Variants in PHLDB2 observed in about 807,000 individuals in gnomAD.
PHLDB2 encodes pleckstrin homology like domain family B member 2.
Under a neutral mutation model 123.6 loss-of-function variants are expected in PHLDB2, and 71 were observed. The observed-to-expected ratio is 0.57, with a 90% CI of 0.47 to 0.70. PHLDB2 has a LOEUF of 0.70. Ranked by LOEUF, PHLDB2 falls within the 30% of genes least tolerant of loss-of-function variation. The pLI, the probability that PHLDB2 is intolerant of heterozygous loss-of-function variation, is 0.00. For synonymous variants in PHLDB2, 547 were observed against 541.6 expected (o/e 1.01, Z -0.14); for missense variants, 1,446 against 1,519.5 (o/e 0.95, Z 0.80).
At chr3:111,771,788 A>G (rs2060183672) in intron 1 of PHLDB2, among the ~76,000 whole-genome samples, 1 of 152,188 alleles carries the variant, frequency 6.6e-6, no homozygotes, top group South Asian at 2.1e-4. Context: ...CTGTTCCCAA[A>G]AAAGATCACA....
Position 111,974,709 on chromosome 3 carries a change from A to G in PHLDB2, c.*146A>G, listed in dbSNP as rs747506318. ...AACTCCTTTCATATCAAGACAAGTTATTTGTAAAAAATAAAGAAGGGGTTT... is the reference window on the plus strand; with the variant it reads ...AACTCCTTTCATATCAAGACAAGTTGTTTGTAAAAAATAAAGAAGGGGTTT... On this transcript the variant is annotated 3_prime_UTR_variant, in exon 18 of 18. Coordinates refer to ENST00000431670, the MANE Select transcript of PHLDB2 (RefSeq NM_001134438.2). 5 of 767,486 alleles carry G rather than the reference A, an allele frequency of 6.5e-6. No homozygotes were observed. Among genetic ancestry groups the G allele is most frequent in the Non-Finnish European group, 7.4e-6 (4 of 540,222 alleles). 47.5% of individuals were successfully genotyped at this position (767,486 alleles called of 1,614,324 possible).
chr3:111,898,612 A>G lies in PHLDB2; in HGVS notation c.1335+13200A>G, dbSNP rs150576475. 2.8e-3 allele frequency among the ~76,000 whole-genome samples: 425 copies of G among 152,290 alleles called. 3 individuals carry two copies. The highest frequency in any genetic ancestry group is 0.01 in the African/African-American group (418 of 41,572). On this transcript the variant is annotated intron_variant, in intron 2 of 17. Transcript: ENST00000431670. ...TACCCACAGTAGAACTTTTTTCAGA[A>G]TTGGAATCAGTCCTCTCAGTCCCTG... is the stretch of plus-strand genomic sequence containing the variant.
intron 1 of PHLDB2, among the ~76,000 whole-genome samples, chr3:111,868,939 A>G (rs1343341180): frequency 6.6e-6 from 1 of 152,204 alleles, no homozygotes; most frequent in African/African-American, 2.4e-5. Context: ...AGTCTTACTC[A>G]AGGGACTAGC....
intron 2 of PHLDB2, among the ~76,000 whole-genome samples, chr3:111,901,195 T>G (rs2067180278): frequency 6.8e-6 from 1 of 146,418 alleles, no homozygotes; most frequent in East Asian, 2.0e-4. Context: ...CCATCTCTAC[T>G]AAAAATACAA....
At chr3:111,835,739 G>T (rs1312505341) in intron 1 of PHLDB2, among the ~76,000 whole-genome samples, 7 of 152,202 alleles carry the variant, frequency 4.6e-5, no homozygotes, top group Non-Finnish European at 1.0e-4. Flanking sequence ...GGAGGTTGGT[G>T]CTTGCTGTCA....
chr3:111,871,546 GGA>G (rs1429371497), intron 1 of PHLDB2, among the ~76,000 whole-genome samples: 2 of 152,018 alleles, frequency 1.3e-5, no homozygotes, highest in African/African-American at 2.4e-5. Flanking sequence ...CCCAGCTACT[GGA>G]GATGCTGAAG....
chr3:111,837,038 G>C (rs2063442118), intron 1 of PHLDB2, among the ~76,000 whole-genome samples: 1 of 152,160 alleles, frequency 6.6e-6, no homozygotes, highest in African/African-American at 2.4e-5. Flanking sequence ...ACCACTTACT[G>C]TGAGTTTTCT....
At chr3:111,838,227 C>T (rs1047674251) in intron 1 of PHLDB2, among the ~76,000 whole-genome samples, 1 of 152,086 alleles carries the variant, frequency 6.6e-6, no homozygotes, top group African/African-American at 2.4e-5. Context: ...TCGCAAACTC[C>T]TGGGCTCAAG....
At chr3:111,762,766 TTC>T (rs1164806268) in intron 1 of PHLDB2, among the ~76,000 whole-genome samples, 5 of 152,238 alleles carry the variant, frequency 3.3e-5, no homozygotes, top group Non-Finnish European at 7.3e-5. Context: ...CAAATAATCT[TTC>T]TCTTTTTTTT....
At chr3:111,887,614 TC>T (rs1468792741) in intron 2 of PHLDB2, among the ~76,000 whole-genome samples, 1 of 152,112 alleles carries the variant, frequency 6.6e-6, no homozygotes, top group Non-Finnish European at 1.5e-5. Context: ...CAAAGGGTTT[TC>T]CCCCTGAAAA....
upstream of PHLDB2, among the ~76,000 whole-genome samples, chr3:111,854,318 G>A (rs907426021): frequency 1.3e-5 from 2 of 152,192 alleles, no homozygotes; most frequent in Non-Finnish European, 2.9e-5. Context: ...TTGGGACACA[G>A]AGCCAAACCA....
At chr3:111,748,009 G>T (rs1054475477) in intron 1 of PHLDB2, among the ~76,000 whole-genome samples, 4 of 152,162 alleles carry the variant, frequency 2.6e-5, no homozygotes, top group African/African-American at 9.7e-5. Context: ...TTGATATGTT[G>T]CTCAGGGTTC....
At chr3:111,764,156 T>G (rs1327455505) in intron 1 of PHLDB2, among the ~76,000 whole-genome samples, 1 of 152,192 alleles carries the variant, frequency 6.6e-6, no homozygotes, top group East Asian at 1.9e-4. Context: ...AAAATGGAGA[T>G]AGTAACATTT....
Position 111,791,251 on chromosome 3 carries a change from C to T in PHLDB2, c.-48-54570C>T, listed in dbSNP as rs187380039. On this transcript the variant is annotated intron_variant, in intron 1 of 17. Coordinates refer to the PHLDB2 transcript ENST00000393923. ...GGCTATGTGCAAGACTGTGTTCACA[C>T]GCCCTGCTATGAACTTTCCTATACA... 9.5e-4 allele frequency among the ~76,000 whole-genome samples: 145 copies of T among 152,322 alleles called. 1 individual carries two copies. Among genetic ancestry groups the T allele is most frequent in the Admixed American group, 4.1e-3 (62 of 15,302 alleles).
At position 111,949,103 on chromosome 3, in the gene PHLDB2, C is replaced by G. The variant is rs1205287288; in HGVS notation, c.2631+28C>G. 5 of 1,609,398 alleles carry G rather than the reference C, an allele frequency of 3.1e-6. No individual in the cohort carries two copies. The Admixed American group carries it at 6.7e-5, about 22-fold the overall frequency. On this transcript the variant is annotated intron_variant, in intron 10 of 17. Coordinates refer to ENST00000431670, the MANE Select transcript of PHLDB2 (RefSeq NM_001134438.2). ...GTGTAGGCATGACGTTTCATTCATTCACTGCTTTTCTTCATGTCAGAAATT... is the reference window on the plus strand; with the variant it reads ...GTGTAGGCATGACGTTTCATTCATTGACTGCTTTTCTTCATGTCAGAAATT...
intron 6 of PHLDB2, among the ~76,000 whole-genome samples, chr3:111,938,604 G>A (rs1228943687): frequency 6.6e-6 from 1 of 152,016 alleles, no homozygotes; most frequent in African/African-American, 2.4e-5. Context: ...AATTAAAAAC[G>A]AGTATGAAAG....
chr3:111,790,445 C>A (rs2060866322), intron 1 of PHLDB2, among the ~76,000 whole-genome samples: 1 of 152,148 alleles, frequency 6.6e-6, no homozygotes, highest in African/African-American at 2.4e-5. Context: ...ACTTTTCATC[C>A]ACACAACTAG....
intron 1 of PHLDB2, among the ~76,000 whole-genome samples, chr3:111,796,097 C>T (rs2061148053): frequency 6.6e-6 from 1 of 152,114 alleles, no homozygotes; most frequent in South Asian, 2.1e-4. Flanking sequence ...CGAGGTTTCA[C>T]CATGTCAGCC....
At chr3:111,801,511 C>G (rs1216759075) in intron 1 of PHLDB2, among the ~76,000 whole-genome samples, 38 of 152,246 alleles carry the variant, frequency 2.5e-4, no homozygotes, top group Admixed American at 2.3e-3. Context: ...TGCCTTTATT[C>G]ATTCATGTCA....
Sources: allele counts gnomAD v4.1 joint callset (sites outside exome capture counted in the v4.1 genomes callset), GRCh38; gene constraint gnomAD v4.1.1; transcripts MANE v1.5; gene names NCBI Gene and HGNC (gene_info 2026-07-23, HGNC 2026-07-21).